Variants in GOLGA3 observed in about 807,000 individuals in gnomAD.
GOLGA3 encodes golgin subfamily A member 3.
Under a neutral mutation model 169.4 loss-of-function variants are expected in GOLGA3, and 75 were observed. That is an observed-to-expected ratio of 0.44 (90% CI 0.37 to 0.54). The LOEUF (loss-of-function observed/expected upper bound fraction) is 0.54. Among genes scored for constraint, GOLGA3 ranks in the 20% least tolerant of loss-of-function variants. The pLI, the probability that GOLGA3 is intolerant of heterozygous loss-of-function variation, is 0.00. For synonymous variants in GOLGA3, 824 were observed against 822.4 expected, an observed-to-expected ratio of 1.00 and a Z score of -0.03; for missense variants, 1,899 against 1,930.0, an observed-to-expected ratio of 0.98 and a Z score of 0.30.
rs889908064 is a variant in GOLGA3, at chr12:132,796,774, T to C, written c.1939-74A>G. The C allele has an allele frequency of 1.6e-5, 24 of 1,455,858 alleles. No individual in the cohort carries two copies. In the Middle Eastern group the frequency reaches 8.8e-4, roughly 53 times the overall value. The allele number at this position is 1,455,858 out of a possible 1,614,324, so 90.2% of individuals were successfully genotyped here. ...AACAGCAGCCGGTGGCCCCGTGCTC[T>C]GCAGAGAAACCCACCGCCCTGGCAT... On this transcript the variant is annotated intron_variant, in intron 9 of 23. Coordinates refer to ENST00000450791, the MANE Select transcript of GOLGA3 (RefSeq NM_001389683.1).
intron 11 of GOLGA3, among the ~76,000 whole-genome samples, 160 bp from the exon 12 acceptor site, chr12:132,791,453 C>T (rs1413417337): frequency 6.6e-6 from 1 of 152,132 alleles, no homozygotes; most frequent in African/African-American, 2.4e-5. Flanking sequence ...ACACTGAGGG[C>T]TCCAGGAAAG....
At chr12:132,792,509 C>T (rs1948579909) in intron 11 of GOLGA3, among the ~76,000 whole-genome samples, 1 of 152,196 alleles carries the variant, frequency 6.6e-6, no homozygotes, top group African/African-American at 2.4e-5. Context: ...GGAGCCCAGC[C>T]CATTCAGCCC....
intron 23 of GOLGA3, 137 bp from the exon 24 acceptor site, chr12:132,773,431 AGAAG>A: frequency 2.2e-6 from 1 of 453,502 alleles, no homozygotes; most frequent in South Asian, 4.7e-5. Context: ...CTGAGACCAC[AGAAG>A]CTCAGCTGTT....
At chr12:132,814,657 G>A (rs543457439) in intron 3 of GOLGA3, among the ~76,000 whole-genome samples, 2 of 152,346 alleles carry the variant, frequency 1.3e-5, no homozygotes, top group African/African-American at 2.4e-5. Flanking sequence ...GCTGAAGCCT[G>A]GCGCCAGGCC....
chr12:132,828,593 G>A (rs1950521428), intron 1 of GOLGA3: 1 of 152,336 alleles, frequency 6.6e-6, no homozygotes, highest in Non-Finnish European at 1.5e-5. Context: ...CATTTACAGA[G>A]CCAGCTCCGC....
At chr12:132,788,950 G>T in intron 13 of GOLGA3, 77 bp downstream of exon 13, 1 of 430,940 alleles carries the variant, frequency 2.3e-6, no homozygotes, top group Non-Finnish European at 3.4e-6. Context: ...CCCCGCCCCA[G>T]ACACAGGCCC....
intron 11 of GOLGA3, among the ~76,000 whole-genome samples, chr12:132,792,976 C>G (rs1948637125): frequency 7.4e-6 from 1 of 135,678 alleles, no homozygotes; most frequent in Non-Finnish European, 1.6e-5. Flanking sequence ...CACACGGGAT[C>G]TGAACTCGGA....
intron 4 of GOLGA3, 49 bp from the exon 5 acceptor site, chr12:132,808,598 G>C (rs776587705): frequency 6.8e-7 from 1 of 1,460,922 alleles, no homozygotes; most frequent in Non-Finnish European, 9.3e-7. Context: ...TCCACAAGCA[G>C]CATACTTAAA....
intron 3 of GOLGA3, among the ~76,000 whole-genome samples, chr12:132,814,093 C>T (rs1166234981): frequency 1.4e-5 from 2 of 146,396 alleles, no homozygotes; most frequent in African/African-American, 2.6e-5. Context: ...GGTGCGATCT[C>T]GGCTCACCAC....
At chr12:132,780,946 A>T (rs750942426) in intron 17 of GOLGA3, 32 bp from the exon 18 acceptor site, 1 of 1,519,134 alleles carries the variant, frequency 6.6e-7, no homozygotes, top group East Asian at 2.2e-5. Flanking sequence ...CAGATAAGGA[A>T]GGACGTCGAA....
rs1039809449 is a variant in GOLGA3 at position 132,772,407 on chromosome 12, A to C, written c.*698T>G. 7 of 152,052 alleles carry C rather than the reference A, an allele frequency of 4.6e-5. No homozygotes were observed. Among genetic ancestry groups the C allele is most frequent in the African/African-American group, 1.7e-4 (7 of 41,388 alleles). 9.4% of individuals were successfully genotyped at this position (152,052 alleles called of 1,614,324 possible). A position where few individuals can be genotyped will look rare whatever the true frequency, so the allele number is the denominator to read the frequency against. On this transcript the variant is annotated 3_prime_UTR_variant, in exon 24 of 24. Coordinates refer to ENST00000450791, the MANE Select transcript of GOLGA3 (RefSeq NM_001389683.1). ...AAAAATACAAACATTAGCCTGGCAT[A>C]GTGGCGCACGCCTGTAATCCCAGCT... is the stretch of plus-strand genomic sequence containing the variant.
chr12:132,809,860 G>T (rs987339615), intron 4 of GOLGA3, among the ~76,000 whole-genome samples: 1 of 151,856 alleles, frequency 6.6e-6, no homozygotes, highest in African/African-American at 2.4e-5. Flanking sequence ...CTCTTGCCTC[G>T]GTGCCTGAGT....
At chr12:132,787,967 C>T (rs990148206) in intron 13 of GOLGA3, among the ~76,000 whole-genome samples, 1 of 152,028 alleles carries the variant, frequency 6.6e-6, no homozygotes, top group African/African-American at 2.4e-5. Context: ...CTGAGGGCCG[C>T]GTCCCCGACC....
intron 2 of GOLGA3, among the ~76,000 whole-genome samples, chr12:132,821,317 GA>G (rs1950203075): frequency 6.6e-6 from 1 of 151,458 alleles, no homozygotes; most frequent in African/African-American, 2.4e-5. Flanking sequence ...TGAGGCAGAA[GA>G]ATTGCTTGAA....
In GOLGA3 at chr12:132,807,884, C is replaced by T; in HGVS notation, c.1178+7G>A. 1 of 1,582,554 alleles carries T rather than the reference C, an allele frequency of 6.3e-7. No homozygotes were observed. Among genetic ancestry groups the T allele is most frequent in the Non-Finnish European group, 8.6e-7 (1 of 1,163,034 alleles). ...CCCACCCCGCCCACCTCTGCTGTCC[C>T]CACCACCTGCTGCAGATGCTGTCTC... On this transcript the variant is annotated splice_region_variant and intron_variant, in intron 5 of 23. Coordinates refer to ENST00000450791, the MANE Select transcript of GOLGA3 (RefSeq NM_001389683.1).
At position 132,782,313 on chromosome 12, in the gene GOLGA3, C is replaced by CTAGG; in HGVS notation, c.3444_3447dup (p.Val1150ProfsTer57). On this transcript the variant is annotated frameshift_variant, in exon 17 of 24. Coordinates refer to ENST00000450791, the MANE Select transcript of GOLGA3 (RefSeq NM_001389683.1). LOFTEE classifies it high-confidence loss of function. ...TTGAATACCTGAAGGTTCAACTGGA[C>CTAGG]TAGGTCTGCCTCCCTCTTGGCCAAA... is the stretch of plus-strand genomic sequence containing the variant. 1.2e-6 allele frequency: 2 copies of CTAGG among 1,614,090 alleles called. No homozygotes were observed. The highest frequency in any genetic ancestry group is 1.7e-6 in the Non-Finnish European group (2 of 1,179,944).
chr12:132,827,052 G>A (rs745545325), intron 1 of GOLGA3, among the ~76,000 whole-genome samples: 17 of 152,130 alleles, frequency 1.1e-4, no homozygotes, highest in Non-Finnish European at 7.3e-5. Context: ...GTAACATCAA[G>A]GGACTTCATA....
rs1280060843 is a variant in GOLGA3, at chr12:132,808,304, A to G, written c.765T>C (p.Asn255=). The change falls in exon 5 of 24, where the codon AAT becomes AAC. Residue 255 remains asparagine, a synonymous_variant. Coordinates refer to ENST00000450791, the MANE Select transcript of GOLGA3 (RefSeq NM_001389683.1). ...SLADYRTEDS[N]AGNSGGNVPA... is the part of the protein sequence containing the mutation. Reference sequence around the variant, plus strand: ...GGACATTTCCCCCAGAATTCCCCGCATTTGAATCTTCAGTTCTGTAATCGG... The same window carrying G: ...GGACATTTCCCCCAGAATTCCCCGCGTTTGAATCTTCAGTTCTGTAATCGG... 1.2e-6 allele frequency: 2 copies of G among 1,614,072 alleles called. No individual in the cohort carries two copies. The highest frequency in any genetic ancestry group is 1.1e-5 in the South Asian group (1 of 91,076).
At position 132,795,935 on chromosome 12, in the gene GOLGA3, C is replaced by A. The variant is rs1284314008; in HGVS notation, c.2386G>T (p.Ala796Ser). 1 of 1,614,142 alleles carries A rather than the reference C, an allele frequency of 6.2e-7. No individual in the cohort carries two copies. The highest frequency in any genetic ancestry group is 2.2e-5 in the East Asian group (1 of 44,886). Residue 796 changes from alanine (A) to serine (S), a missense_variant, in exon 11 of 24, where the codon GCA becomes TCA. Coordinates refer to ENST00000450791, the MANE Select transcript of GOLGA3 (RefSeq NM_001389683.1). ...TCGGTACCTTCTTCCAAGCGTCTTGCTCCTCTGTCAAGCTCCTCCTTGCCA... is the reference window on the plus strand; with the variant it reads ...TCGGTACCTTCTTCCAAGCGTCTTGATCCTCTGTCAAGCTCCTCCTTGCCA... ...KSGKEELDRGARRLEEGTEET... is the reference protein window; with the variant it reads ...KSGKEELDRGSRRLEEGTEET...
Sources: allele counts gnomAD v4.1 joint callset (sites outside exome capture counted in the v4.1 genomes callset), GRCh38; gene constraint gnomAD v4.1.1; transcripts MANE v1.5; gene names NCBI Gene and HGNC (gene_info 2026-07-23, HGNC 2026-07-21).